RGPD5: variants seen among roughly 807,000 people sequenced by gnomAD.
The protein encoded by RGPD5 is RANBP2 like and GRIP domain containing 5, also known as RANBP2-like and GRIP domain-containing protein 5/6.
chr2:109,799,325 G>T (rs1573999483), intron 1 of RGPD5, among the ~76,000 whole-genome samples: 1 of 77,652 alleles, frequency 1.3e-5, no homozygotes, highest in Non-Finnish European at 2.3e-5. Context: ...TGTTAAGATT[G>T]CTATAGTTCT....
chr2:109,766,838 C>T, the RGPD5 span, among the ~76,000 whole-genome samples: 2 of 150,100 alleles, frequency 1.3e-5, no homozygotes, highest in Non-Finnish European at 2.9e-5. Flanking sequence ...GTGGCAAAAT[C>T]GAGGCCCCGT....
the RGPD5 span, among the ~76,000 whole-genome samples, chr2:109,760,716 A>G: frequency 2.1e-5 from 3 of 145,124 alleles, no homozygotes; most frequent in African/African-American, 7.4e-5. Flanking sequence ...GACACCTCCC[A>G]CCATGGACAG....
the RGPD5 span, among the ~76,000 whole-genome samples, chr2:109,767,140 G>T: frequency 2.8e-5 from 4 of 141,666 alleles, no homozygotes; most frequent in Admixed American, 7.6e-5. Flanking sequence ...AGTGTCAATT[G>T]CTCTGAATGC....
At chr2:109,764,798 A>G in the RGPD5 span, among the ~76,000 whole-genome samples, 2 of 124,524 alleles carry the variant, frequency 1.6e-5, no homozygotes, top group Non-Finnish European at 3.2e-5. Flanking sequence ...AAGGGCTTTC[A>G]TGGTGTCTCT....
the RGPD5 span, among the ~76,000 whole-genome samples, chr2:109,760,761 GAGTCACTGTGGTA>G: frequency 7.0e-6 from 1 of 143,408 alleles, no homozygotes; most frequent in Non-Finnish European, 1.5e-5. Context: ...ATGGGACCTC[GAGTCACTGTGGTA>G]AGTCCCCGTG....
At chr2:109,778,566 A>C in the RGPD5 span, among the ~76,000 whole-genome samples, 2 of 149,216 alleles carry the variant, frequency 1.3e-5, no homozygotes, top group Admixed American at 1.4e-4. Flanking sequence ...TTTCAAGCCC[A>C]TTTAATATAC....
chr2:109,765,873 T>C, the RGPD5 span, among the ~76,000 whole-genome samples: 3 of 150,818 alleles, frequency 2.0e-5, no homozygotes, highest in African/African-American at 7.3e-5. Context: ...TTTTAGACTT[T>C]ACTTCATGGT....
the RGPD5 span, among the ~76,000 whole-genome samples, chr2:109,761,079 G>T: frequency 1.4e-5 from 2 of 142,844 alleles, no homozygotes; most frequent in African/African-American, 5.2e-5. Context: ...TTTGAAGACT[G>T]CGTCACTAAT....
chr2:109,778,342 A>G, the RGPD5 span, among the ~76,000 whole-genome samples: 1 of 145,220 alleles, frequency 6.9e-6, no homozygotes, highest in African/African-American at 2.6e-5. Flanking sequence ...GGCTGTTGTA[A>G]GAGGTTTAAA....
At chr2:109,780,229 ATAAAG>A in the RGPD5 span, among the ~76,000 whole-genome samples, 2 of 88,336 alleles carry the variant, frequency 2.3e-5, no homozygotes, top group Non-Finnish European at 4.3e-5. Flanking sequence ...TTTCTTGGTA[ATAAAG>A]TAATTTATAT....
At chr2:109,794,614 G>GGGC (rs1176515402) in intron 1 of RGPD5, 77 bp downstream of exon 1, 87 of 73,648 alleles carry the variant, frequency 1.2e-3, no homozygotes, top group African/African-American at 7.3e-3. Context: ...GCGGCGGGGG[G>GGGC]GGCGGCGGCG....
At chr2:109,761,919 G>A in the RGPD5 span, among the ~76,000 whole-genome samples, 1 of 151,452 alleles carries the variant, frequency 6.6e-6, no homozygotes, top group South Asian at 2.1e-4. Context: ...AATATGCAAT[G>A]TACAATTTTA....
At chr2:109,763,901 G>A in the RGPD5 span, among the ~76,000 whole-genome samples, 1 of 147,166 alleles carries the variant, frequency 6.8e-6, no homozygotes, top group Non-Finnish European at 1.5e-5. Context: ...CACAGAGAGT[G>A]TCCTCAAATG....
chr2:109,764,192 A>G, the RGPD5 span, among the ~76,000 whole-genome samples: 4 of 150,394 alleles, frequency 2.7e-5, no homozygotes, highest in Admixed American at 6.8e-5. Flanking sequence ...TGGAGAACTT[A>G]GAAAAAGGTG....
At chr2:109,774,518 TATATTATATATATTATATATAAA>T in the RGPD5 span, among the ~76,000 whole-genome samples, 1 of 85,000 alleles carries the variant, frequency 1.2e-5, no homozygotes, top group African/African-American at 6.7e-5. Flanking sequence ...ATATATAATA[TATATTATATATATTATATATAAA>T]ATATATATAA....
the RGPD5 span, among the ~76,000 whole-genome samples, chr2:109,766,849 A>G: frequency 6.7e-6 from 1 of 150,318 alleles, no homozygotes; most frequent in Non-Finnish European, 1.5e-5. Context: ...GAGGCCCCGT[A>G]AAAGACGATT....
At chr2:109,765,394 T>A in the RGPD5 span, among the ~76,000 whole-genome samples, 11 of 150,576 alleles carry the variant, frequency 7.3e-5, no homozygotes, top group Non-Finnish European at 1.5e-4. Flanking sequence ...TTCTTTTTTT[T>A]AAAATTTCCC....
At chr2:109,778,483 GC>G in the RGPD5 span, among the ~76,000 whole-genome samples, 1 of 149,906 alleles carries the variant, frequency 6.7e-6, no homozygotes, top group Non-Finnish European at 1.5e-5. Flanking sequence ...AGGTTTAGTA[GC>G]CAGGCATTGG....
At chr2:109,766,593 A>G in the RGPD5 span, among the ~76,000 whole-genome samples, 1 of 150,640 alleles carries the variant, frequency 6.6e-6, no homozygotes, top group African/African-American at 2.4e-5. Flanking sequence ...GGAGGGTTTT[A>G]AAATGCTAAG....
Sources: allele counts gnomAD v4.1 joint callset (sites outside exome capture counted in the v4.1 genomes callset), GRCh38; gene constraint gnomAD v4.1.1; transcripts MANE v1.5; gene names NCBI Gene and HGNC (gene_info 2026-07-23, HGNC 2026-07-21).